The following THSD7B variants were observed in gnomAD, a reference collection of about 807,000 sequenced individuals.
THSD7B encodes thrombospondin type-1 domain-containing protein 7B.
THSD7B carries 138 observed loss-of-function variants against 213.6 expected under a neutral mutation model. The observed-to-expected ratio is 0.65, with a 90% CI of 0.56 to 0.74. The LOEUF is 0.74. Ranked by LOEUF, THSD7B falls within the 30% of genes least tolerant of loss-of-function variation. The pLI is 0.00. For synonymous variants in THSD7B, 742 were observed against 687.0 expected (o/e 1.08, Z -1.25); for missense variants, 1,931 against 1,991.5 (o/e 0.97, Z 0.58).
intron 1 of THSD7B, among the ~76,000 whole-genome samples, chr2:136,766,339 G>C (rs1429677479): frequency 2.0e-5 from 3 of 152,018 alleles, no homozygotes; most frequent in African/African-American, 7.3e-5. Context: ...CTAGGGGCAA[G>C]CTGGGCTCGG....
rs1011441194 is a variant in THSD7B at position 137,462,758 on chromosome 2, A to G, written c.3138+11735A>G. Reference sequence around the variant, plus strand: ...TGTGGTATTGCAGTGCCTGTGTTCAAGTAAACCTTATTTTACTTAAAAATG... The same window carrying G: ...TGTGGTATTGCAGTGCCTGTGTTCAGGTAAACCTTATTTTACTTAAAAATG... On this transcript the variant is annotated intron_variant, in intron 15 of 27. Coordinates refer to ENST00000409968, the MANE Select transcript of THSD7B (RefSeq NM_001316349.2). Among the ~76,000 whole-genome samples, 6 of 152,032 alleles carry G rather than the reference A, an allele frequency of 3.9e-5. No homozygotes were observed. The East Asian group carries it at 1.2e-3, about 29-fold the overall frequency.
chr2:137,514,526 C>T lies in THSD7B; in HGVS notation c.3139-48695C>T, dbSNP rs1263667572. Among the ~76,000 whole-genome samples, 5 of 152,124 alleles carry T rather than the reference C, an allele frequency of 3.3e-5. No homozygotes were observed. In the East Asian group the frequency reaches 9.6e-4, roughly 29 times the overall value. Reference sequence around the variant, plus strand: ...CTGTGAGTTAATACTCCTTAATAAACTCCCCTTTATATATATCTATCCTAT... The same window carrying T: ...CTGTGAGTTAATACTCCTTAATAAATTCCCCTTTATATATATCTATCCTAT... On this transcript the variant is annotated intron_variant, in intron 15 of 27. Coordinates refer to ENST00000409968, the MANE Select transcript of THSD7B (RefSeq NM_001316349.2).
chr2:137,219,678 T>G (rs1321171668), intron 7 of THSD7B, among the ~76,000 whole-genome samples: 1 of 152,198 alleles, frequency 6.6e-6, no homozygotes, highest in African/African-American at 2.4e-5. Context: ...AGCAAAAGAT[T>G]GCTTATGCAT....
intron 3 of THSD7B, among the ~76,000 whole-genome samples, chr2:137,077,068 A>G (rs1205862515): frequency 1.4e-5 from 2 of 146,562 alleles, no homozygotes; most frequent in African/African-American, 5.1e-5. Context: ...GAGTGAGAAC[A>G]TGCAGTGTTT....
intron 1 of THSD7B, among the ~76,000 whole-genome samples, chr2:136,841,609 A>AC (rs1682922869): frequency 6.6e-6 from 1 of 151,416 alleles, no homozygotes; most frequent in Admixed American, 6.6e-5. Flanking sequence ...AAAAAAAAAA[A>AC]AAAGAGGAAA....
At chr2:137,481,904 G>A (rs563110014) in intron 15 of THSD7B, among the ~76,000 whole-genome samples, 2 of 152,274 alleles carry the variant, frequency 1.3e-5, no homozygotes, top group South Asian at 2.1e-4. Flanking sequence ...CCGGCTGGCC[G>A]CAGTGGCTCA....
At chr2:137,479,047 T>C (rs1443534441) in intron 15 of THSD7B, among the ~76,000 whole-genome samples, 2 of 152,172 alleles carry the variant, frequency 1.3e-5, no homozygotes, top group Non-Finnish European at 2.9e-5. Context: ...CATAACTTGC[T>C]CAAATGCTAG....
chr2:136,784,007 T>C (rs973683546), intron 1 of THSD7B, among the ~76,000 whole-genome samples: 1 of 152,192 alleles, frequency 6.6e-6, no homozygotes, highest in Admixed American at 6.5e-5. Flanking sequence ...ATAGGCCACA[T>C]AGATCCAGTG....
chr2:137,076,906 T>C (rs545890601), intron 3 of THSD7B, among the ~76,000 whole-genome samples: 1 of 152,212 alleles, frequency 6.6e-6, no homozygotes, highest in East Asian at 1.9e-4. Context: ...ACATGTGCCA[T>C]GTTGGTGTGC....
rs1163240828 is a variant in THSD7B, at chr2:137,300,658, G to A, written c.2500+24632G>A. 7.2e-5 allele frequency among the ~76,000 whole-genome samples: 11 copies of A among 152,248 alleles called. No homozygotes were observed. The East Asian group carries it at 1.3e-3, about 19-fold the overall frequency. ...AAATCTAGAGATGGATGATTTATAC[G>A]AATTCATGAGAGGATGGCATTGCTG... On this transcript the variant is annotated intron_variant, in intron 12 of 27. Coordinates refer to ENST00000409968, the MANE Select transcript of THSD7B (RefSeq NM_001316349.2).
Position 137,125,724 on chromosome 2 carries a change from A to G in THSD7B, c.1369+10431A>G, listed in dbSNP as rs577367480. Among the ~76,000 whole-genome samples the G allele has an allele frequency of 7.9e-4, 120 of 152,262 alleles. 1 individual carries two copies. The highest frequency in any genetic ancestry group is 2.9e-3 in the African/African-American group (120 of 41,550). ...CTTTTCATTTATTTCATTTTCAATT[A>G]TTTCATTTTCCCAGATCCATCAGAT... On this transcript the variant is annotated intron_variant, in intron 5 of 27. Transcript: ENST00000409968.
intron 15 of THSD7B, among the ~76,000 whole-genome samples, chr2:137,468,507 T>C (rs1688034254): frequency 6.6e-6 from 1 of 151,672 alleles, no homozygotes; most frequent in Non-Finnish European, 1.5e-5. Flanking sequence ...TCTATCGCCA[T>C]TATGAGTCTC....
In THSD7B at chr2:137,321,727, G is replaced by T. The variant is rs553532871; in HGVS notation, c.2500+45701G>T. Among the ~76,000 whole-genome samples the T allele has an allele frequency of 7.9e-5, 12 of 152,288 alleles. No homozygotes were observed. The East Asian group carries it at 1.2e-3, about 15-fold the overall frequency. ...GACTCTCAAGGGCCTTCAAATGAAC[G>T]TTCCAGGATGGTGAGCAGTGCATCC... On this transcript the variant is annotated intron_variant, in intron 12 of 27. Coordinates refer to ENST00000409968, the MANE Select transcript of THSD7B (RefSeq NM_001316349.2).
chr2:137,579,815 G>T (rs1681538197), intron 17 of THSD7B, among the ~76,000 whole-genome samples: 1 of 152,042 alleles, frequency 6.6e-6, no homozygotes, highest in East Asian at 1.9e-4. Context: ...TTACTATTAG[G>T]TCCTTATATT....
chr2:137,354,131 G>A (rs367954117), intron 12 of THSD7B, among the ~76,000 whole-genome samples: 2 of 151,714 alleles, frequency 1.3e-5, no homozygotes, highest in Admixed American at 1.3e-4. Context: ...AATACCTTAC[G>A]ACATTGTTAT....
chr2:136,839,680 T>C (rs776616901), intron 1 of THSD7B, among the ~76,000 whole-genome samples: 12 of 152,218 alleles, frequency 7.9e-5, no homozygotes, highest in Non-Finnish European at 1.5e-4. Flanking sequence ...TCAATGCCTC[T>C]CTTTAACCTA....
chr2:137,580,639 GT>G (rs2105245002), intron 17 of THSD7B, among the ~76,000 whole-genome samples: 1 of 152,202 alleles, frequency 6.6e-6, no homozygotes, highest in East Asian at 1.9e-4. Flanking sequence ...TTGTTCTCAT[GT>G]TGCTGTAAAG....
intron 14 of THSD7B, among the ~76,000 whole-genome samples, chr2:137,428,970 T>C (rs1201814371): frequency 1.3e-5 from 2 of 152,298 alleles, no homozygotes; most frequent in African/African-American, 2.4e-5. Flanking sequence ...TAAAAGTTAC[T>C]GTATGAAGGA....
At chr2:137,459,843 TGTAGTTCA>T (rs775147194) in intron 15 of THSD7B, among the ~76,000 whole-genome samples, 13 of 152,108 alleles carry the variant, frequency 8.5e-5, no homozygotes, top group Non-Finnish European at 1.9e-4. Flanking sequence ...CTCTGGAATC[TGTAGTTCA>T]GTACACTTAG....
Sources: gnomAD v4.1 joint callset for allele counts (sites outside exome capture counted in the v4.1 genomes callset) on GRCh38, gnomAD v4.1.1 for gene constraint, MANE v1.5 for transcripts, NCBI Gene and HGNC (gene_info 2026-07-23, HGNC 2026-07-21) for gene names.